Variants in SPOCK3 observed in about 807,000 individuals in gnomAD.
SPOCK3 encodes the protein SPARC (osteonectin), cwcv and kazal like domains proteoglycan 3.
In SPOCK3, 30 loss-of-function variants were observed where a neutral mutation model predicts 56.6. The ratio of observed to expected loss-of-function variants is 0.53; its 90% confidence interval spans 0.40 to 0.72. The LOEUF is 0.72. SPOCK3 is among the 30% of genes least tolerant of loss of function. The pLI, the probability that SPOCK3 is intolerant of heterozygous loss-of-function variation, is 0.00. For synonymous variants in SPOCK3, 196 were observed against 183.3 expected, an observed-to-expected ratio of 1.07 and a Z score of -0.56; for missense variants, 527 against 530.0, an observed-to-expected ratio of 0.99 and a Z score of 0.06.
At chr4:166,909,152 TC>T (rs1159709215) in intron 5 of SPOCK3, among the ~76,000 whole-genome samples, 1 of 152,108 alleles carries the variant, frequency 6.6e-6, no homozygotes, top group Non-Finnish European at 1.5e-5. Flanking sequence ...TATCCATAGT[TC>T]CTCATCTATT....
intron 3 of SPOCK3, among the ~76,000 whole-genome samples, chr4:167,008,440 T>C (rs932566631): frequency 1.3e-5 from 2 of 152,096 alleles, no homozygotes; most frequent in African/African-American, 4.8e-5. Flanking sequence ...TAAAAGGCTA[T>C]GGTAGAGGAT....
chr4:167,013,319 T>C (rs1184184034), intron 3 of SPOCK3, among the ~76,000 whole-genome samples: 4 of 151,844 alleles, frequency 2.6e-5, no homozygotes, highest in Admixed American at 2.6e-4. Context: ...TGTTCTACTC[T>C]AGACAAAGGA....
chr4:167,172,740 A>T (rs1730618507), intron 2 of SPOCK3, among the ~76,000 whole-genome samples: 1 of 152,108 alleles, frequency 6.6e-6, no homozygotes, highest in African/African-American at 2.4e-5. Flanking sequence ...ATGTATGTAT[A>T]CATCTATATA....
At chr4:167,219,173 T>C (rs963646567) in intron 2 of SPOCK3, among the ~76,000 whole-genome samples, 1 of 152,194 alleles carries the variant, frequency 6.6e-6, no homozygotes, top group Non-Finnish European at 1.5e-5. Context: ...CCGAGGAGAA[T>C]ATCAGATGTT....
chr4:167,062,633 T>G (rs1755724303), intron 2 of SPOCK3, 96 bp from the exon 3 acceptor site: 4 of 869,782 alleles, frequency 4.6e-6, no homozygotes, highest in Non-Finnish European at 3.7e-6. Context: ...ACAGAAGCTG[T>G]ATACAAACCT....
chr4:166,835,754 C>G (rs1168410727), intron 6 of SPOCK3, among the ~76,000 whole-genome samples: 1 of 152,178 alleles, frequency 6.6e-6, no homozygotes, highest in Non-Finnish European at 1.5e-5. Context: ...CACGCCAGCA[C>G]TTTGGGAAGC....
chr4:166,752,569 TATATAC>T (rs1184910553), intron 8 of SPOCK3, among the ~76,000 whole-genome samples: 904 of 8,904 alleles, frequency 0.1, 6 homozygotes, highest in Non-Finnish European at 0.12. Context: ...TATATATATA[TATATAC>T]ACACACACAC....
chr4:166,862,636 A>G (rs1469950861), intron 6 of SPOCK3, among the ~76,000 whole-genome samples: 3 of 152,120 alleles, frequency 2.0e-5, no homozygotes, highest in Non-Finnish European at 4.4e-5. Context: ...TAAAAAGTCA[A>G]TAAAATGCTT....
chr4:167,138,494 C>T (rs779843541), intron 2 of SPOCK3, among the ~76,000 whole-genome samples: 9 of 151,900 alleles, frequency 5.9e-5, no homozygotes, highest in East Asian at 5.8e-4. Context: ...TTTCTCTCTT[C>T]TTCCAGCCTT....
intron 5 of SPOCK3, among the ~76,000 whole-genome samples, chr4:166,895,852 T>C (rs184521777): frequency 6.6e-4 from 101 of 152,244 alleles, no homozygotes; most frequent in African/African-American, 2.3e-3. Flanking sequence ...TTGGCACAAT[T>C]ATACAAACAC....
intron 2 of SPOCK3, among the ~76,000 whole-genome samples, chr4:167,146,093 T>C (rs531090331): frequency 6.6e-6 from 1 of 151,842 alleles, no homozygotes; most frequent in Admixed American, 6.5e-5. Flanking sequence ...ACACAGAGGC[T>C]CAAAATAAAG....
chr4:166,784,156 A>G (rs1189065344), intron 7 of SPOCK3, among the ~76,000 whole-genome samples: 1 of 152,160 alleles, frequency 6.6e-6, no homozygotes, highest in Non-Finnish European at 1.5e-5. Context: ...CAATGCTGAT[A>G]GCAATTGCCA....
At chr4:166,951,500 G>A (rs545543076) in intron 4 of SPOCK3, among the ~76,000 whole-genome samples, 1 of 141,412 alleles carries the variant, frequency 7.1e-6, no homozygotes, top group African/African-American at 2.9e-5. Context: ...TTCTACCAGA[G>A]GTACAAAGAG....
chr4:166,945,021 C>T (rs905388748), intron 4 of SPOCK3, among the ~76,000 whole-genome samples: 2 of 152,172 alleles, frequency 1.3e-5, no homozygotes, highest in African/African-American at 4.8e-5. Flanking sequence ...AGACCCTTCA[C>T]GCTGACTTCT....
At chr4:167,051,019 A>T (rs1288488166) in intron 3 of SPOCK3, among the ~76,000 whole-genome samples, 1 of 152,180 alleles carries the variant, frequency 6.6e-6, no homozygotes, top group East Asian at 1.9e-4. Flanking sequence ...ATGATTGCAA[A>T]ACGATATGAA....
chr4:166,840,215 C>G (rs976686480), intron 6 of SPOCK3, among the ~76,000 whole-genome samples: 73 of 151,678 alleles, frequency 4.8e-4, no homozygotes, highest in African/African-American at 1.7e-3. Context: ...GACTCATTTC[C>G]ACCTAGTGGA....
chr4:166,877,741 A>AT (rs1285400999), intron 6 of SPOCK3, among the ~76,000 whole-genome samples: 1 of 152,220 alleles, frequency 6.6e-6, no homozygotes, highest in Non-Finnish European at 1.5e-5. Context: ...TCTTGAACTG[A>AT]TTTTTTTGTT....
chr4:166,986,827 A>C (rs1056660107), intron 4 of SPOCK3, among the ~76,000 whole-genome samples: 2 of 152,068 alleles, frequency 1.3e-5, no homozygotes, highest in African/African-American at 4.8e-5. Flanking sequence ...CTTCCACAAC[A>C]CACACACATG....
At chr4:166,804,252 G>A (rs1201135285) in intron 6 of SPOCK3, among the ~76,000 whole-genome samples, 1 of 152,146 alleles carries the variant, frequency 6.6e-6, no homozygotes, top group African/African-American at 2.4e-5. Context: ...CAGTCCTGGA[G>A]GGTACAGTCC....
Sources: allele counts gnomAD v4.1 joint callset (sites outside exome capture counted in the v4.1 genomes callset), GRCh38; gene constraint gnomAD v4.1.1; transcripts MANE v1.5; gene names NCBI Gene and HGNC (gene_info 2026-07-23, HGNC 2026-07-21).